The following AFF2 variants were observed in gnomAD, a reference collection of about 807,000 sequenced individuals.
AFF2 encodes AF4/FMR2 family member 2.
In AFF2, 14 loss-of-function variants were observed where a neutral mutation model predicts 76.9. The ratio of observed to expected loss-of-function variants is 0.18; its 90% CI spans 0.12 to 0.28. The LOEUF (loss-of-function observed/expected upper bound fraction) is 0.28. Ranked by LOEUF, AFF2 falls within the 10% of genes least tolerant of loss-of-function variation. AFF2 has a pLI of 1.00. For missense variants in AFF2, 868 were observed against 1,001.1 expected (o/e 0.87, Z 1.79); for synonymous variants, 398 against 366.7 (o/e 1.09, Z -0.98).
chrX:148,916,018 C>T (rs2071523269), intron 9 of AFF2, among the ~76,000 whole-genome samples: 1 of 110,664 alleles, frequency 9.0e-6, no homozygotes, highest in African/African-American at 3.3e-5. Flanking sequence ...AAAATCAACA[C>T]CCAAATAAGG....
At chrX:148,878,482 T>C (rs782762604) in intron 7 of AFF2, among the ~76,000 whole-genome samples, 1 of 111,739 alleles carries the variant, frequency 8.9e-6, no homozygotes, top group South Asian at 3.8e-4. Context: ...CTATATTCTT[T>C]ACTTCCTGAA....
intron 7 of AFF2, among the ~76,000 whole-genome samples, chrX:148,848,546 C>CAT (rs2070695292): frequency 8.9e-6 from 1 of 112,425 alleles, no homozygotes; most frequent in South Asian, 3.7e-4. Flanking sequence ...CTAGCAATTT[C>CAT]ATATATTCTT....
intron 4 of AFF2, among the ~76,000 whole-genome samples, chrX:148,818,058 T>A (rs782591524): frequency 3.0e-4 from 33 of 111,856 alleles, no homozygotes; most frequent in Admixed American, 9.5e-4. Flanking sequence ...AAAGACTAGA[T>A]GTTCTTTATA....
chrX:148,825,052 C>CCACA (rs1276395834), intron 4 of AFF2, among the ~76,000 whole-genome samples: 1 of 109,743 alleles, frequency 9.1e-6, no homozygotes, highest in Admixed American at 9.7e-5. Context: ...ATCTCTAAAA[C>CCACA]CACACACACA....
intron 2 of AFF2, among the ~76,000 whole-genome samples, chrX:148,660,426 G>T (rs961188910): frequency 9.0e-6 from 1 of 111,411 alleles, no homozygotes; most frequent in Non-Finnish European, 1.9e-5. Flanking sequence ...CTAGCACTTC[G>T]CCCTCTAGCC....
At position 148,997,929 on chromosome X, in the gene AFF2, T is replaced by C. The variant is rs2072625062; in HGVS notation, c.*6597T>C. ...ACTTAATTTTCTTCCTGGATGATTC[T>C]ACTTACTGGATATTTTAGAAAGAGA... On this transcript the variant is annotated 3_prime_UTR_variant, in exon 21 of 21. Transcript: ENST00000370460. The C allele has an allele frequency of 2.7e-5, 3 of 112,929 alleles. No homozygotes were observed. The South Asian group carries it at 1.1e-3, about 41-fold the overall frequency. The allele number at this position is 112,929 out of a possible 1,213,427, so 9.3% of individuals were successfully genotyped here.
chrX:148,895,833 C>G (rs2124180000), intron 8 of AFF2, among the ~76,000 whole-genome samples: 1 of 110,687 alleles, frequency 9.0e-6, no homozygotes, highest in South Asian at 3.9e-4. Flanking sequence ...TCTTCTTCTC[C>G]CCTCTGTATC....
intron 3 of AFF2, among the ~76,000 whole-genome samples, chrX:148,800,089 A>G (rs980363653): frequency 8.9e-6 from 1 of 112,163 alleles, no homozygotes; most frequent in African/African-American, 3.2e-5. Context: ...TAGCTGTGTC[A>G]CTTGGCATTA....
chrX:148,884,645 C>G (rs782594549), intron 7 of AFF2, among the ~76,000 whole-genome samples: 2 of 112,456 alleles, frequency 1.8e-5, no homozygotes, highest in South Asian at 3.7e-4. Flanking sequence ...CCAGTAGACT[C>G]TATCATTTGT....
intron 3 of AFF2, among the ~76,000 whole-genome samples, chrX:148,793,274 TACA>T: frequency 9.0e-6 from 1 of 110,754 alleles, no homozygotes; most frequent in African/African-American, 3.3e-5. Context: ...GGGCAGGGCC[TACA>T]CTGCTGGGTA....
chrX:148,856,394 G>T (rs1355624863), intron 7 of AFF2, among the ~76,000 whole-genome samples: 1 of 111,903 alleles, frequency 8.9e-6, no homozygotes, highest in Non-Finnish European at 1.9e-5. Flanking sequence ...GAAGAACTGG[G>T]TTTCATGACT....
chrX:148,610,472 C>G (rs2053718138), intron 1 of AFF2, among the ~76,000 whole-genome samples: 1 of 112,011 alleles, frequency 8.9e-6, no homozygotes, highest in Non-Finnish European at 1.9e-5. Context: ...AACAAATATT[C>G]TTGCAAATAA....
intron 16 of AFF2, among the ~76,000 whole-genome samples, chrX:148,976,403 T>C (rs974780293): frequency 2.7e-5 from 3 of 112,557 alleles, no homozygotes; most frequent in African/African-American, 9.7e-5. Flanking sequence ...TACCCATTTA[T>C]GTCTTCTCTA....
intron 3 of AFF2, among the ~76,000 whole-genome samples, chrX:148,709,133 A>G: frequency 8.9e-6 from 1 of 111,732 alleles, no homozygotes; most frequent in East Asian, 2.8e-4. Context: ...AAAACTAAGA[A>G]AATTGCTTTC....
chrX:148,887,753 G>T (rs2071175973), intron 8 of AFF2, among the ~76,000 whole-genome samples: 1 of 111,456 alleles, frequency 9.0e-6, no homozygotes, highest in Admixed American at 9.5e-5. Context: ...TTGATGGGGA[G>T]ATTGAACTAG....
chrX:148,720,159 C>T (rs1369330544), intron 3 of AFF2, among the ~76,000 whole-genome samples: 1 of 111,053 alleles, frequency 9.0e-6, no homozygotes, highest in Non-Finnish European at 1.9e-5. Context: ...CAGTAATTCA[C>T]CTTGCTGAAG....
At chrX:148,532,270 T>G (rs1294277390) in intron 1 of AFF2, among the ~76,000 whole-genome samples, 2 of 112,273 alleles carry the variant, frequency 1.8e-5, no homozygotes, top group East Asian at 5.6e-4. Flanking sequence ...GAGTAGCAAT[T>G]AAGTATTACT....
In AFF2 at chrX:148,913,832, A is replaced by G. The variant is rs569883478; in HGVS notation, c.1397+9574A>G. Reference sequence around the variant, plus strand: ...TTTTGGGTACATAAGAGTTACACCTAGAATTTTATTTCAATATTGCCGTGT... The same window carrying G: ...TTTTGGGTACATAAGAGTTACACCTGGAATTTTATTTCAATATTGCCGTGT... On this transcript the variant is annotated intron_variant, in intron 9 of 20. Transcript: ENST00000370460. Among the ~76,000 whole-genome samples the G allele has an allele frequency of 7.1e-5, 8 of 112,411 alleles. No individual in the cohort carries two copies. The South Asian group carries it at 3.0e-3, about 42-fold the overall frequency.
chrX:148,771,042 G>A (rs1450933276), intron 3 of AFF2, among the ~76,000 whole-genome samples: 2 of 111,945 alleles, frequency 1.8e-5, no homozygotes, highest in Non-Finnish European at 3.8e-5. Flanking sequence ...TACATGCTGG[G>A]CAGAAGGTGC....
Sources: gnomAD v4.1 joint callset for allele counts (sites outside exome capture counted in the v4.1 genomes callset) on GRCh38, gnomAD v4.1.1 for gene constraint, MANE v1.5 for transcripts, NCBI Gene and HGNC (gene_info 2026-07-23, HGNC 2026-07-21) for gene names.